The following EPB41L4A variants were observed in gnomAD, a reference collection of about 807,000 sequenced individuals.
The protein encoded by EPB41L4A is band 4.1-like protein 4A.
Under a neutral mutation model 108.6 loss-of-function variants are expected in EPB41L4A, and 100 were observed. The observed-to-expected ratio is 0.92, with a 90% CI of 0.78 to 1.09. The LOEUF (loss-of-function observed/expected upper bound fraction) is 1.09, where lower values mean the gene tolerates loss of function less well. Among genes scored for constraint, EPB41L4A ranks in the 50% least tolerant of loss-of-function variants. The pLI, the probability that EPB41L4A is intolerant of heterozygous loss-of-function variation, is 0.00. For missense variants in EPB41L4A, 1,030 were observed against 842.7 expected (o/e 1.22, Z -2.75); for synonymous variants, 319 against 289.0 (o/e 1.10, Z -1.05).
chr5:112,339,691 G>A (rs1230476877), intron 1 of EPB41L4A, among the ~76,000 whole-genome samples: 1 of 151,466 alleles, frequency 6.6e-6, no homozygotes, highest in East Asian at 1.9e-4. Flanking sequence ...ACGTCACCAT[G>A]CCCAGTTAAT....
chr5:112,330,891 C>A (rs946374732), intron 1 of EPB41L4A, among the ~76,000 whole-genome samples: 13 of 152,034 alleles, frequency 8.6e-5, no homozygotes, highest in African/African-American at 3.1e-4. Flanking sequence ...GGAGTGTGGA[C>A]AGGGTGAGGA....
intron 1 of EPB41L4A, among the ~76,000 whole-genome samples, chr5:112,345,636 C>T (rs376575718): frequency 6.6e-6 from 1 of 151,828 alleles, no homozygotes; most frequent in East Asian, 1.9e-4. Flanking sequence ...TTCAATTCAC[C>T]ATCACCACAG....
intron 1 of EPB41L4A, among the ~76,000 whole-genome samples, chr5:112,395,839 C>A (rs527613938): frequency 8.5e-5 from 13 of 152,300 alleles, no homozygotes; most frequent in Non-Finnish European, 5.9e-5. Flanking sequence ...AGACTTGGAA[C>A]CAACCCAAAT....
chr5:112,176,063 A>G (rs1335812444), intron 18 of EPB41L4A, among the ~76,000 whole-genome samples: 1 of 152,188 alleles, frequency 6.6e-6, no homozygotes, highest in East Asian at 1.9e-4. Context: ...TCTCAAGGAA[A>G]AACACAAATA....
intron 1 of EPB41L4A, among the ~76,000 whole-genome samples, chr5:112,315,138 T>C (rs1755348861): frequency 6.6e-6 from 1 of 152,146 alleles, no homozygotes; most frequent in South Asian, 2.1e-4. Context: ...AAATCCTACT[T>C]ATCCTTCAAG....
In EPB41L4A at chr5:112,402,565, C is replaced by T. The variant is rs972289550; in HGVS notation, c.99+16376G>A. On this transcript the variant is annotated intron_variant, in intron 1 of 22. Transcript: ENST00000261486. ...TGGAATATACAGAGATTAGCATGGA[C>T]CTTAAAACAAAAAAAAGAAAAAGCG... Among the ~76,000 whole-genome samples, 3 of 152,050 alleles carry T rather than the reference C, an allele frequency of 2.0e-5. No individual in the cohort carries two copies. The South Asian group carries it at 6.2e-4, about 32-fold the overall frequency.
At chr5:112,232,277 T>C (rs1749014145) in intron 12 of EPB41L4A, among the ~76,000 whole-genome samples, 1 of 152,192 alleles carries the variant, frequency 6.6e-6, no homozygotes, top group South Asian at 2.1e-4. Flanking sequence ...ATAAGCTTCA[T>C]GTAACTTGTT....
intron 1 of EPB41L4A, among the ~76,000 whole-genome samples, chr5:112,412,033 C>T (rs1762440942): frequency 6.6e-6 from 1 of 152,186 alleles, no homozygotes; most frequent in South Asian, 2.1e-4. Flanking sequence ...AAGATGAGGA[C>T]TCCACATTAC....
At chr5:112,184,251 T>G (rs971440254) in intron 17 of EPB41L4A, 116 bp from the exon 18 acceptor site, 5 of 1,230,376 alleles carry the variant, frequency 4.1e-6, no homozygotes, top group Non-Finnish European at 4.5e-6. Context: ...TATGATCATT[T>G]ATAGCTAAAG....
chr5:112,380,808 C>T lies in EPB41L4A; in HGVS notation c.99+38133G>A, dbSNP rs527674212. 4.5e-4 allele frequency among the ~76,000 whole-genome samples: 69 copies of T among 151,690 alleles called. 1 individual carries two copies. In the South Asian group the frequency reaches 7.6e-3, roughly 17 times the overall value. On this transcript the variant is annotated intron_variant, in intron 1 of 22. Transcript: ENST00000261486. ...TCACACACATACACACACACACACA[C>T]ACACACACACACACACACACAATTC...
At chr5:112,224,283 T>G (rs980299300) in intron 12 of EPB41L4A, among the ~76,000 whole-genome samples, 12 of 152,088 alleles carry the variant, frequency 7.9e-5, no homozygotes, top group African/African-American at 2.7e-4. Context: ...AGAAGGTTTT[T>G]CCAAACACAA....
At chr5:112,261,481 A>G (rs1347564722) in intron 7 of EPB41L4A, among the ~76,000 whole-genome samples, 1 of 152,254 alleles carries the variant, frequency 6.6e-6, no homozygotes, top group Non-Finnish European at 1.5e-5. Flanking sequence ...ATTTCCTCAA[A>G]TAAAATTTAA....
chr5:112,187,989 T>C (rs1761510514), intron 17 of EPB41L4A, among the ~76,000 whole-genome samples: 1 of 152,222 alleles, frequency 6.6e-6, no homozygotes, highest in Non-Finnish European at 1.5e-5. Flanking sequence ...ATGGCAAAGA[T>C]CCTTTCTAGC....
intron 13 of EPB41L4A, chr5:112,205,975 C>T (rs1337313951): frequency 6.4e-6 from 1 of 155,144 alleles, no homozygotes; most frequent in African/African-American, 2.4e-5. Flanking sequence ...TTCAAACTGA[C>T]CTTTTCCTGG....
At chr5:112,264,167 G>A (rs1219809081) in intron 6 of EPB41L4A, 2 of 152,152 alleles carry the variant, frequency 1.3e-5, no homozygotes, top group African/African-American at 4.8e-5. Context: ...TCAAGAGGAA[G>A]TGTTACATAA....
chr5:112,259,159 G>A (rs1751318693), intron 9 of EPB41L4A, 70 bp downstream of exon 9: 2 of 1,196,386 alleles, frequency 1.7e-6, no homozygotes, highest in African/African-American at 1.5e-5. Flanking sequence ...TCTTCACAAT[G>A]TCTTTTAAGC....
At chr5:112,322,247 T>C (rs1051704197) in intron 1 of EPB41L4A, among the ~76,000 whole-genome samples, 2 of 152,204 alleles carry the variant, frequency 1.3e-5, no homozygotes, top group Non-Finnish European at 2.9e-5. Flanking sequence ...ATTTTCCTCA[T>C]TTTAGAGACA....
chr5:112,393,627 C>G (rs2112690279), intron 1 of EPB41L4A, among the ~76,000 whole-genome samples: 1 of 152,204 alleles, frequency 6.6e-6, no homozygotes, highest in Admixed American at 6.5e-5. Flanking sequence ...GAGTCCAGAA[C>G]CAAACGGATT....
chr5:112,357,594 T>C (rs1746013349), intron 1 of EPB41L4A, among the ~76,000 whole-genome samples: 1 of 152,200 alleles, frequency 6.6e-6, no homozygotes, highest in Non-Finnish European at 1.5e-5. Flanking sequence ...TTCTACAGCA[T>C]GACATCTCCA....
Sources: gnomAD v4.1 joint callset for allele counts (sites outside exome capture counted in the v4.1 genomes callset) on GRCh38, gnomAD v4.1.1 for gene constraint, MANE v1.5 for transcripts, NCBI Gene and HGNC (gene_info 2026-07-23, HGNC 2026-07-21) for gene names.